Variants in RNF212B observed in about 807,000 individuals in gnomAD.
RNF212B encodes ring finger protein 212B, also known as E3 ubiquitin-protein ligase RNF212B.
Under a neutral mutation model 55.5 loss-of-function variants are expected in RNF212B, and 52 were observed. The observed-to-expected ratio is 0.94, with a 90% CI of 0.75 to 1.18. RNF212B has a LOEUF of 1.18. Ranked by LOEUF, RNF212B falls within the 50% of genes most tolerant of loss-of-function variation. RNF212B has a pLI of 0.00. For missense variants in RNF212B, 289 were observed against 350.4 expected, an observed-to-expected ratio of 0.82 and a Z score of 1.40; for synonymous variants, 99 against 121.4, an observed-to-expected ratio of 0.82 and a Z score of 1.21.
At chr14:23,232,855 C>A in intron 2 of RNF212B, among the ~76,000 whole-genome samples, 1 of 111,818 alleles carries the variant, frequency 8.9e-6, no homozygotes, top group East Asian at 3.0e-4. Context: ...CCAGCTGCCC[C>A]GTCTGGGAAG....
chr14:23,243,214 A>G (rs1011477202), intron 2 of RNF212B, 42 bp from the exon 3 acceptor site: 1 of 1,485,412 alleles, frequency 6.7e-7, no homozygotes, highest in East Asian at 2.5e-5. Flanking sequence ...ATCTTACCTC[A>G]TGCTCATGAG....
intron 2 of RNF212B, among the ~76,000 whole-genome samples, chr14:23,200,387 A>G (rs1879172376): frequency 6.6e-6 from 1 of 151,758 alleles, no homozygotes; most frequent in African/African-American, 2.4e-5. Flanking sequence ...GTGCAATGGC[A>G]TGATCTTGGC....
At chr14:23,205,328 A>G (rs1219280131) in intron 2 of RNF212B, among the ~76,000 whole-genome samples, 1 of 149,836 alleles carries the variant, frequency 6.7e-6, no homozygotes, top group Admixed American at 6.6e-5. Flanking sequence ...TTTTTTTTTT[A>G]AGCAAGAATG....
At chr14:23,220,481 G>A (rs1236605392) in intron 2 of RNF212B, among the ~76,000 whole-genome samples, 2 of 150,564 alleles carry the variant, frequency 1.3e-5, no homozygotes, top group Non-Finnish European at 3.0e-5. Flanking sequence ...GCTGTGAGCC[G>A]AGATCACACC....
At chr14:23,211,538 T>C (rs911788279) in intron 2 of RNF212B, among the ~76,000 whole-genome samples, 2 of 152,130 alleles carry the variant, frequency 1.3e-5, no homozygotes, top group African/African-American at 4.8e-5. Flanking sequence ...GATACCAAAA[T>C]CATACAAAGA....
intron 2 of RNF212B, among the ~76,000 whole-genome samples, chr14:23,243,012 G>A (rs1486939442): frequency 6.6e-6 from 1 of 151,202 alleles, no homozygotes; most frequent in South Asian, 2.1e-4. Flanking sequence ...AAAAAGATAG[G>A]GAGATGGGTA....
At chr14:23,263,248 A>G (rs982743207) in intron 9 of RNF212B, among the ~76,000 whole-genome samples, 1 of 152,238 alleles carries the variant, frequency 6.6e-6, no homozygotes, top group African/African-American at 2.4e-5. Flanking sequence ...ATAAAACCCA[A>G]TGAAGTCTTC....
At chr14:23,193,751 C>CA (rs71115601) in intron 2 of RNF212B, among the ~76,000 whole-genome samples, 17,842 of 147,226 alleles carry the variant, frequency 0.12, 1,415 homozygotes, top group East Asian at 0.36. Flanking sequence ...GAAGATTTAA[C>CA]AAAAAAAAAA....
At chr14:23,196,779 C>T (rs1878758043) in intron 2 of RNF212B, among the ~76,000 whole-genome samples, 1 of 152,146 alleles carries the variant, frequency 6.6e-6, no homozygotes, top group Non-Finnish European at 1.5e-5. Context: ...CTTCCTTCTG[C>T]CTAGAGGCTT....
intron 4 of RNF212B, among the ~76,000 whole-genome samples, chr14:23,246,029 T>C (rs1040344761): frequency 1.3e-5 from 2 of 152,232 alleles, no homozygotes; most frequent in African/African-American, 4.8e-5. Context: ...TTTGTGCTAA[T>C]AGTTGATCAA....
chr14:23,208,756 C>CTTTTT, intron 2 of RNF212B, among the ~76,000 whole-genome samples: 1 of 43,034 alleles, frequency 2.3e-5, no homozygotes, highest in Non-Finnish European at 4.8e-5. Context: ...TGCTGGTTGC[C>CTTTTT]GTTTTTTTTT....
intron 1 of RNF212B, among the ~76,000 whole-genome samples, chr14:23,189,749 A>C (rs1178720417): frequency 6.6e-6 from 1 of 152,208 alleles, no homozygotes; most frequent in African/African-American, 2.4e-5. Context: ...TTGGGGCTGC[A>C]GTGAGCCATG....
intron 14 of RNF212B, 196 bp from the exon 15 acceptor site, chr14:23,272,627 A>G (rs963760200): frequency 6.7e-6 from 4 of 596,784 alleles, no homozygotes; most frequent in Non-Finnish European, 1.2e-5. Context: ...AGCTACTGAA[A>G]TGTTCCAGAG....
intron 2 of RNF212B, among the ~76,000 whole-genome samples, chr14:23,229,208 C>G (rs888181302): frequency 1.8e-5 from 2 of 108,596 alleles, no homozygotes; most frequent in Non-Finnish European, 3.7e-5. Context: ...TCCTTTATGG[C>G]TGAATAATAT....
intron 2 of RNF212B, among the ~76,000 whole-genome samples, chr14:23,242,667 A>G (rs1485166701): frequency 6.6e-6 from 1 of 152,130 alleles, no homozygotes; most frequent in South Asian, 2.1e-4. Flanking sequence ...AAAATTGGGA[A>G]TTTATAAAAA....
intron 1 of RNF212B, among the ~76,000 whole-genome samples, chr14:23,186,468 G>A (rs963152425): frequency 6.6e-6 from 1 of 151,792 alleles, no homozygotes; most frequent in African/African-American, 2.4e-5. Context: ...TCCTGCCTCA[G>A]CCTCCTAAGT....
In RNF212B at chr14:23,264,908, G is replaced by A. The variant is rs1022161407; in HGVS notation, c.634+237G>A. Among the ~76,000 whole-genome samples the A allele has an allele frequency of 1.6e-4, 24 of 149,556 alleles. No homozygotes were observed. The East Asian group carries it at 4.4e-3, about 27-fold the overall frequency. On this transcript the variant is annotated intron_variant, in intron 11 of 14. Transcript: ENST00000430154. Reference sequence around the variant, plus strand: ...ATGATCTCGGCTCACCACATCCTCCGCCTCCCATGTTCAAGCGATTCTCCT... The same window carrying A: ...ATGATCTCGGCTCACCACATCCTCCACCTCCCATGTTCAAGCGATTCTCCT...
intron 2 of RNF212B, among the ~76,000 whole-genome samples, chr14:23,231,789 G>GCCGCCAC (rs1882635122): frequency 6.6e-6 from 1 of 152,194 alleles, no homozygotes; most frequent in South Asian, 2.1e-4. Context: ...GCAGGCACGC[G>GCCGCCAC]CCGCCACGCC....
intron 2 of RNF212B, among the ~76,000 whole-genome samples, chr14:23,195,494 C>G (rs559661960): frequency 4.8e-4 from 73 of 152,258 alleles, no homozygotes; most frequent in Admixed American, 2.2e-3. Flanking sequence ...GCTCTGGAAC[C>G]AATTGTTTTG....
Sources: gnomAD v4.1 joint callset for allele counts (sites outside exome capture counted in the v4.1 genomes callset) on GRCh38, gnomAD v4.1.1 for gene constraint, MANE v1.5 for transcripts, NCBI Gene and HGNC (gene_info 2026-07-23, HGNC 2026-07-21) for gene names.